The following ANO3 variants were observed in gnomAD, a reference collection of about 807,000 sequenced individuals.
ANO3 encodes anoctamin-3.
In ANO3, 99 loss-of-function variants were observed where a neutral mutation model predicts 144.8. The ratio of observed to expected loss-of-function variants is 0.68; its 90% CI spans 0.58 to 0.81. ANO3 has a LOEUF of 0.81. Ranked by LOEUF, ANO3 falls within the 30% of genes least tolerant of loss-of-function variation. The pLI, the probability that ANO3 is intolerant of heterozygous loss-of-function variation, is 0.00. For missense variants in ANO3, 905 were observed against 1,202.2 expected (o/e 0.75, Z 3.66); for synonymous variants, 414 against 392.6 (o/e 1.05, Z -0.64).
Position 26,553,920 on chromosome 11 carries a change from G to A in ANO3, c.1386+575G>A, listed in dbSNP as rs748609855. ...CACTGAATTCTACATTATTATTTTC[G>A]TTTGTAAAACAGTTTTATAGAAGTG... On this transcript the variant is annotated intron_variant, in intron 13 of 26. Transcript: ENST00000256737. 2.0e-4 allele frequency among the ~76,000 whole-genome samples: 31 copies of A among 152,022 alleles called. 1 individual carries two copies. The highest frequency in any genetic ancestry group is 6.2e-4 in the South Asian group (3 of 4,814).
chr11:26,445,962 G>A (rs2134029011), intron 3 of ANO3, among the ~76,000 whole-genome samples: 1 of 152,126 alleles, frequency 6.6e-6, no homozygotes, highest in South Asian at 2.1e-4. Context: ...CTCCCGAGTA[G>A]CTGGGACTAC....
intron 18 of ANO3, among the ~76,000 whole-genome samples, chr11:26,627,975 A>G (rs1852648564): frequency 1.3e-5 from 2 of 152,052 alleles, no homozygotes; most frequent in South Asian, 4.1e-4. Flanking sequence ...ATTTTTTTAA[A>G]CTTTCTGTTT....
chr11:26,559,855 C>T (rs962186487), intron 14 of ANO3, 76 bp downstream of exon 14: 55 of 891,096 alleles, frequency 6.2e-5, no homozygotes, highest in South Asian at 9.7e-5. Flanking sequence ...CACACACACA[C>T]ACACACACAC....
intron 3 of ANO3, among the ~76,000 whole-genome samples, chr11:26,458,392 T>A (rs1260131132): frequency 2.6e-5 from 4 of 152,104 alleles, no homozygotes; most frequent in Non-Finnish European, 5.9e-5. Context: ...AAATAACTCC[T>A]AGCAAGAAAA....
intron 1 of ANO3, among the ~76,000 whole-genome samples, chr11:26,374,987 GC>G (rs1225110098): frequency 6.6e-6 from 1 of 152,054 alleles, no homozygotes; most frequent in Non-Finnish European, 1.5e-5. Context: ...CAAGTGATTT[GC>G]CTGCCTTGGC....
intron 4 of ANO3, among the ~76,000 whole-genome samples, chr11:26,483,649 C>T (rs1037579633): frequency 6.6e-6 from 1 of 152,144 alleles, no homozygotes; most frequent in African/African-American, 2.4e-5. Flanking sequence ...AACCTCTGTT[C>T]TTTATAAATT....
rs371447035 is a variant in ANO3, at chr11:26,371,530, T to A, written c.46+39209T>A. On this transcript the variant is annotated intron_variant, in intron 1 of 26. Coordinates refer to ENST00000256737, the MANE Select transcript of ANO3 (RefSeq NM_031418.4). ...CATCCTTTAGACCCAGAATGGTAGA[T>A]CCACCAACAGCTTGCACCATGCACC... Among the ~76,000 whole-genome samples, 73 of 152,240 alleles carry A rather than the reference T, an allele frequency of 4.8e-4. 2 individuals are homozygous for A. The South Asian group carries it at 9.7e-3, about 20-fold the overall frequency.
chr11:26,440,761 A>C (rs927133473), intron 1 of ANO3, among the ~76,000 whole-genome samples: 1 of 152,134 alleles, frequency 6.6e-6, no homozygotes, highest in Non-Finnish European at 1.5e-5. Flanking sequence ...GAAAAATCTA[A>C]GGAGGATATT....
At chr11:26,257,922 A>G (rs1392788272) in intron 1 of ANO3, among the ~76,000 whole-genome samples, 1 of 152,170 alleles carries the variant, frequency 6.6e-6, no homozygotes, top group Non-Finnish European at 1.5e-5. Context: ...TTTATACTAC[A>G]GAAAAATTTA....
Position 26,378,380 on chromosome 11 carries a change from CTATA to C in ANO3, c.46+46064_46+46067del, listed in dbSNP as rs1161646946. On this transcript the variant is annotated intron_variant, in intron 1 of 26. Transcript: ENST00000256737. ...AAATATCTATATATTATCTATATAT[CTATA>C]TATAATCTATATATTATCTATCTAT... Among the ~76,000 whole-genome samples the C allele has an allele frequency of 1.0e-4, 15 of 145,660 alleles. No individual in the cohort carries two copies. The South Asian group carries it at 2.6e-3, about 25-fold the overall frequency.
chr11:26,278,865 G>A (rs972694029), intron 1 of ANO3, among the ~76,000 whole-genome samples: 1 of 152,118 alleles, frequency 6.6e-6, no homozygotes, highest in Non-Finnish European at 1.5e-5. Flanking sequence ...GTCTGTGTGT[G>A]TGCATGTGTG....
chr11:26,567,594 C>T (rs1343531879), intron 14 of ANO3, among the ~76,000 whole-genome samples: 1 of 151,938 alleles, frequency 6.6e-6, no homozygotes, highest in Non-Finnish European at 1.5e-5. Flanking sequence ...AAATCTGATA[C>T]TTCTCTTCAA....
intron 5 of ANO3, among the ~76,000 whole-genome samples, chr11:26,509,016 A>G (rs1237213846): frequency 1.3e-5 from 2 of 151,334 alleles, no homozygotes; most frequent in Non-Finnish European, 2.9e-5. Context: ...AATTTTCTAT[A>G]TATATACAAA....
chr11:26,329,317 CACACACACACAGAGAG>C (rs1413466248), upstream of ANO3, among the ~76,000 whole-genome samples: 24 of 73,842 alleles, frequency 3.3e-4, no homozygotes, highest in African/African-American at 5.8e-4. Context: ...CACACACACA[CACACACACACAGAGAG>C]AGAGAGAGAG....
chr11:26,570,979 GA>G (rs1470079786), intron 14 of ANO3, among the ~76,000 whole-genome samples: 4 of 151,498 alleles, frequency 2.6e-5, no homozygotes, highest in Non-Finnish European at 5.9e-5. Flanking sequence ...TAAAAAGAAA[GA>G]AAAAATAAAA....
chr11:26,608,701 G>A (rs1271217355), intron 17 of ANO3, among the ~76,000 whole-genome samples: 1 of 152,158 alleles, frequency 6.6e-6, no homozygotes, highest in African/African-American at 2.4e-5. Context: ...GTCAGGGTAA[G>A]GCCTGAAGAG....
intron 10 of ANO3, 59 bp downstream of exon 10, chr11:26,537,520 C>T: frequency 7.1e-7 from 1 of 1,402,792 alleles, no homozygotes; most frequent in Admixed American, 1.7e-5. Context: ...AATGCTTGGT[C>T]CTGTTGTTTG....
rs1436881493 is a variant in ANO3 at position 26,213,274 on chromosome 11, TG to T, written c.154+23946del. 2.6e-5 allele frequency among the ~76,000 whole-genome samples: 4 copies of T among 152,116 alleles called. No individual in the cohort carries two copies. In the East Asian group the frequency reaches 7.7e-4, roughly 29 times the overall value. ...CTATTCAACATAGTATTGGAAGTTTTGGCCAGGGAAATCAGGCAAGAGACAT... is the reference window on the plus strand; with the variant it reads ...CTATTCAACATAGTATTGGAAGTTTTGCCAGGGAAATCAGGCAAGAGACAT... On this transcript the variant is annotated intron_variant, in intron 1 of 27. Transcript: ENST00000672621.
At chr11:26,518,870 G>A (rs1024379538) in intron 6 of ANO3, among the ~76,000 whole-genome samples, 4 of 151,950 alleles carry the variant, frequency 2.6e-5, no homozygotes, top group African/African-American at 4.8e-5. Flanking sequence ...AGATGAAAAA[G>A]GATTGCTTCT....
Sources: allele counts gnomAD v4.1 joint callset (sites outside exome capture counted in the v4.1 genomes callset), GRCh38; gene constraint gnomAD v4.1.1; transcripts MANE v1.5; gene names NCBI Gene and HGNC (gene_info 2026-07-23, HGNC 2026-07-21).